Variants in SYNJ2BP observed in about 807,000 individuals in gnomAD.
SYNJ2BP encodes the protein synaptojanin 2 binding protein, also known as synaptojanin-2-binding protein.
Under a neutral mutation model 16.9 loss-of-function variants are expected in SYNJ2BP, and 10 were observed. The ratio of observed to expected loss-of-function variants is 0.59; its 90% CI spans 0.36 to 1.00. SYNJ2BP has a LOEUF of 1.00. SYNJ2BP is among the 50% of genes least tolerant of loss of function. The pLI is 0.01. For synonymous variants in SYNJ2BP, 54 were observed against 68.4 expected (o/e 0.79, Z 1.04); for missense variants, 162 against 186.7 (o/e 0.87, Z 0.77).
chr14:70,390,367 T>G (rs1887953353), intron 1 of SYNJ2BP, among the ~76,000 whole-genome samples: 1 of 152,134 alleles, frequency 6.6e-6, no homozygotes, highest in African/African-American at 2.4e-5. Context: ...GAAAAGATAC[T>G]TAAAGAGACA....
At chr14:70,379,931 T>C (rs1887711479) in intron 2 of SYNJ2BP, among the ~76,000 whole-genome samples, 1 of 152,230 alleles carries the variant, frequency 6.6e-6, no homozygotes, top group African/African-American at 2.4e-5. Context: ...GCAAATGAGA[T>C]AACTGGGTCA....
At chr14:70,396,333 G>GGA (rs1888094302) in intron 1 of SYNJ2BP, among the ~76,000 whole-genome samples, 1 of 152,090 alleles carries the variant, frequency 6.6e-6, no homozygotes, top group Non-Finnish European at 1.5e-5. Flanking sequence ...TAGCCAGGAT[G>GGA]GTCTCCATCT....
Position 70,370,983 on chromosome 14 carries a change from C to A in SYNJ2BP, c.*2008G>T, listed in dbSNP as rs1274259328. ...TATGGGATGGAGGATATGCACTGTACTTCTTTGTAAAAGTGTCTTGACAAA... is the reference window on the plus strand; with the variant it reads ...TATGGGATGGAGGATATGCACTGTAATTCTTTGTAAAAGTGTCTTGACAAA... On this transcript the variant is annotated 3_prime_UTR_variant, in exon 4 of 4. Coordinates refer to ENST00000256366, the MANE Select transcript of SYNJ2BP (RefSeq NM_018373.3). 1 of 152,188 alleles carries A rather than the reference C, an allele frequency of 6.6e-6. No homozygotes were observed. The highest frequency in any genetic ancestry group is 1.5e-5 in the Non-Finnish European group (1 of 68,032). The allele number at this position is 152,188 out of a possible 1,614,324, so 9.4% of individuals were successfully genotyped here.
chr14:70,393,121 C>A (rs2140841878), intron 1 of SYNJ2BP, among the ~76,000 whole-genome samples: 1 of 152,222 alleles, frequency 6.6e-6, no homozygotes, highest in Non-Finnish European at 1.5e-5. Flanking sequence ...AAGGAAAAAA[C>A]AAACAACCCC....
chr14:70,398,888 C>T (rs1234835885), intron 1 of SYNJ2BP, among the ~76,000 whole-genome samples: 3 of 152,158 alleles, frequency 2.0e-5, no homozygotes, highest in Non-Finnish European at 4.4e-5. Flanking sequence ...TGGCCTGGGA[C>T]TCACTGTCGC....
intron 2 of SYNJ2BP, among the ~76,000 whole-genome samples, chr14:70,377,915 C>T (rs1468664745): frequency 6.6e-6 from 1 of 152,176 alleles, no homozygotes; most frequent in African/African-American, 2.4e-5. Context: ...CATGCACTAC[C>T]TCTATTTCTT....
At chr14:70,387,648 G>A (rs890084642) in intron 2 of SYNJ2BP, among the ~76,000 whole-genome samples, 1 of 152,068 alleles carries the variant, frequency 6.6e-6, no homozygotes, top group East Asian at 1.9e-4. Context: ...TAGCCAACAT[G>A]GTGAAACCCT....
At chr14:70,399,290 C>T (rs773665609) in intron 1 of SYNJ2BP, among the ~76,000 whole-genome samples, 3 of 152,346 alleles carry the variant, frequency 2.0e-5, no homozygotes, top group Non-Finnish European at 4.4e-5. Context: ...CACCTGCTGG[C>T]GCCCATCTCG....
intron 1 of SYNJ2BP, among the ~76,000 whole-genome samples, chr14:70,411,703 A>G (rs1218886584): frequency 6.6e-6 from 1 of 152,178 alleles, no homozygotes; most frequent in African/African-American, 2.4e-5. Flanking sequence ...CACAAGTTCC[A>G]CGTTCTTTTA....
chr14:70,410,505 G>C (rs757446864), intron 1 of SYNJ2BP, among the ~76,000 whole-genome samples: 8 of 151,990 alleles, frequency 5.3e-5, no homozygotes, highest in Non-Finnish European at 1.0e-4. Flanking sequence ...AACACTTACT[G>C]ACCACTGTGT....
At chr14:70,398,778 C>G (rs1282015584) in intron 1 of SYNJ2BP, among the ~76,000 whole-genome samples, 6 of 152,150 alleles carry the variant, frequency 3.9e-5, no homozygotes. Context: ...CTCCTCACAG[C>G]CTGGGGTGGG....
chr14:70,402,911 C>T (rs1234994509), intron 1 of SYNJ2BP, among the ~76,000 whole-genome samples: 1 of 152,172 alleles, frequency 6.6e-6, no homozygotes, highest in Non-Finnish European at 1.5e-5. Context: ...TTTGTAAGGA[C>T]ATGCCCCTAT....
intron 1 of SYNJ2BP, among the ~76,000 whole-genome samples, chr14:70,400,922 T>C (rs116648811): frequency 1.3e-3 from 195 of 152,328 alleles, no homozygotes; most frequent in African/African-American, 4.3e-3. Flanking sequence ...AGCAGGCAAG[T>C]TGAAGAATTT....
intron 1 of SYNJ2BP, among the ~76,000 whole-genome samples, chr14:70,412,184 A>T (rs1379790575): frequency 6.6e-6 from 1 of 152,184 alleles, no homozygotes; most frequent in African/African-American, 2.4e-5. Context: ...TGTATTAGTC[A>T]TTTAAGATGC....
At chr14:70,396,879 GA>G (rs1165692300) in intron 1 of SYNJ2BP, among the ~76,000 whole-genome samples, 3 of 152,108 alleles carry the variant, frequency 2.0e-5, no homozygotes, top group African/African-American at 7.2e-5. Context: ...ATATATGCTG[GA>G]TATTAACTTC....
intron 2 of SYNJ2BP, among the ~76,000 whole-genome samples, chr14:70,381,705 C>T (rs1302096047): frequency 2.0e-5 from 3 of 152,214 alleles, no homozygotes; most frequent in African/African-American, 7.2e-5. Flanking sequence ...AAAATGCAAA[C>T]GTTTAGGCCT....
chr14:70,415,996 A>G (rs1888597083), intron 1 of SYNJ2BP, among the ~76,000 whole-genome samples: 1 of 152,258 alleles, frequency 6.6e-6, no homozygotes, highest in South Asian at 2.1e-4. Flanking sequence ...GGCTTACATC[A>G]GTTAAGTTAG....
intron 1 of SYNJ2BP, among the ~76,000 whole-genome samples, chr14:70,415,394 CA>C (rs1341505894): frequency 6.6e-6 from 1 of 150,892 alleles, no homozygotes; most frequent in Non-Finnish European, 1.5e-5. Flanking sequence ...ACCAAAAATA[CA>C]AAAAAATTAG....
intron 2 of SYNJ2BP, among the ~76,000 whole-genome samples, chr14:70,385,484 G>A (rs1376921873): frequency 6.6e-6 from 1 of 152,044 alleles, no homozygotes; most frequent in Non-Finnish European, 1.5e-5. Flanking sequence ...AGCCCCCTGA[G>A]TAGCTGGGGG....
Sources: gnomAD v4.1 joint callset for allele counts (sites outside exome capture counted in the v4.1 genomes callset) on GRCh38, gnomAD v4.1.1 for gene constraint, MANE v1.5 for transcripts, NCBI Gene and HGNC (gene_info 2026-07-23, HGNC 2026-07-21) for gene names.